WWTR1: variants seen among roughly 807,000 people sequenced by gnomAD.
WWTR1 encodes the protein WW domain containing transcription regulator 1, also known as WW domain-containing transcription regulator protein 1.
In WWTR1, 13 loss-of-function variants were observed where a neutral mutation model predicts 40.1. The ratio of observed to expected loss-of-function variants is 0.32; its 90% CI spans 0.21 to 0.52. The LOEUF (loss-of-function observed/expected upper bound fraction) is 0.52, where lower values mean the gene tolerates loss of function less well. Among genes scored for constraint, WWTR1 ranks in the 20% least tolerant of loss-of-function variants. The pLI, the probability that WWTR1 is intolerant of heterozygous loss-of-function variation, is 0.97. For synonymous variants in WWTR1, 230 were observed against 210.1 expected, an observed-to-expected ratio of 1.09 and a Z score of -0.82; for missense variants, 436 against 523.1, an observed-to-expected ratio of 0.83 and a Z score of 1.63.
In WWTR1 at chr3:149,649,400, C is replaced by T. The variant is rs1216197331; in HGVS notation, c.431+7476G>A. ...ATCGCCCCTTTCACCGTCTAAATCCCGAACAATAACAGGAATGAACTTGCA... is the reference window on the plus strand; with the variant it reads ...ATCGCCCCTTTCACCGTCTAAATCCTGAACAATAACAGGAATGAACTTGCA... On this transcript the variant is annotated intron_variant, in intron 2 of 6. Transcript: ENST00000360632. Among the ~76,000 whole-genome samples the T allele has an allele frequency of 3.3e-5, 5 of 152,184 alleles. No homozygotes were observed. The South Asian group carries it at 6.2e-4, about 19-fold the overall frequency.
chr3:149,637,294 C>T (rs1038880562), intron 2 of WWTR1, among the ~76,000 whole-genome samples: 1 of 151,354 alleles, frequency 6.6e-6, no homozygotes, highest in African/African-American at 2.4e-5. Context: ...GGCATGATCT[C>T]GACTCACTGC....
At chr3:149,645,369 A>G (rs149940093) in intron 2 of WWTR1, among the ~76,000 whole-genome samples, 277 of 152,084 alleles carry the variant, frequency 1.8e-3, no homozygotes, top group African/African-American at 4.3e-3. Context: ...GTGAGCCACC[A>G]CGCCTGGCCC....
chr3:149,625,619 C>T (rs548453190), intron 2 of WWTR1, among the ~76,000 whole-genome samples: 61 of 151,454 alleles, frequency 4.0e-4, no homozygotes, highest in African/African-American at 1.4e-3. Flanking sequence ...GGTGAAACCC[C>T]ATCTCTACTA....
chr3:149,704,532 A>C (rs966007050), upstream of WWTR1, among the ~76,000 whole-genome samples: 3 of 152,236 alleles, frequency 2.0e-5, no homozygotes, highest in Non-Finnish European at 4.4e-5. Context: ...AAAAAGGCTT[A>C]TATAATGAAG....
chr3:149,607,977 AG>A (rs1739562655), intron 2 of WWTR1, among the ~76,000 whole-genome samples: 1 of 152,244 alleles, frequency 6.6e-6, no homozygotes, highest in East Asian at 1.9e-4. Context: ...AAGTTTCGTG[AG>A]GGCAAATAGT....
chr3:149,673,513 G>A (rs1031980223), intron 1 of WWTR1, among the ~76,000 whole-genome samples: 4 of 152,160 alleles, frequency 2.6e-5, no homozygotes, highest in African/African-American at 7.2e-5. Context: ...AATGACACTC[G>A]GAAAGGCATG....
intron 5 of WWTR1, among the ~76,000 whole-genome samples, chr3:149,716,052 G>C (rs944063869): frequency 1.3e-5 from 2 of 152,108 alleles, no homozygotes; most frequent in African/African-American, 4.8e-5. Context: ...TCAGTGAAGA[G>C]AGAATTTACT....
intron 5 of WWTR1, among the ~76,000 whole-genome samples, chr3:149,711,409 T>C (rs766658217): frequency 4.6e-5 from 7 of 152,176 alleles, no homozygotes; most frequent in Admixed American, 1.3e-4. Flanking sequence ...AATTCTACTA[T>C]TATTATTAAC....
At chr3:149,664,905 T>C (rs553906666) in intron 2 of WWTR1, among the ~76,000 whole-genome samples, 1 of 152,062 alleles carries the variant, frequency 6.6e-6, no homozygotes, top group Non-Finnish European at 1.5e-5. Flanking sequence ...CACTATCTTT[T>C]GTCTGATGTT....
At position 149,689,416 on chromosome 3, in the gene WWTR1, A is replaced by C. The variant is rs558223699; in HGVS notation, c.-108+13708T>G. Among the ~76,000 whole-genome samples, 819 of 148,762 alleles carry C rather than the reference A, an allele frequency of 5.5e-3. 10 individuals are homozygous for C. The highest frequency in any genetic ancestry group is 0.019 in the African/African-American group (785 of 40,556). On this transcript the variant is annotated intron_variant, in intron 1 of 7. Transcript: ENST00000465804. Reference sequence around the variant, plus strand: ...AAAAAAAAAAAGCAAAGAAGACAGAAAAAAAAAAAGAATAACCCAAATAAG... The same window carrying C: ...AAAAAAAAAAAGCAAAGAAGACAGACAAAAAAAAAGAATAACCCAAATAAG...
chr3:149,539,195 C>T (rs1251504352), intron 4 of WWTR1, among the ~76,000 whole-genome samples: 1 of 152,082 alleles, frequency 6.6e-6, no homozygotes, highest in Non-Finnish European at 1.5e-5. Flanking sequence ...CCTAGTGGAA[C>T]AACGGCATAG....
chr3:149,565,928 C>CA (rs58536558), intron 3 of WWTR1, among the ~76,000 whole-genome samples: 8,181 of 73,054 alleles, frequency 0.11, 721 homozygotes, highest in East Asian at 0.5. Flanking sequence ...AACTCTGTCT[C>CA]AAAAAAAAAA....
Position 149,680,561 on chromosome 3 carries a change from CA to C in WWTR1, c.-107-10671del, listed in dbSNP as rs1469989532. On this transcript the variant is annotated intron_variant, in intron 1 of 7. Coordinates refer to the WWTR1 transcript ENST00000465804. Reference sequence around the variant, plus strand: ...CCTGTCTCAAAAAAAACCAACCAACCAAACAAACAAACAAACAAAAAAACGT... The same window carrying C: ...CCTGTCTCAAAAAAAACCAACCAACCAACAAACAAACAAACAAAAAAACGT... Among the ~76,000 whole-genome samples the C allele has an allele frequency of 2.2e-5, 3 of 134,320 alleles. No homozygotes were observed. In the East Asian group the frequency reaches 6.6e-4, roughly 30 times the overall value. 88.1% of individuals were successfully genotyped at this position (134,320 alleles called of 152,430 possible).
At chr3:149,600,472 A>G (rs1739193155) in intron 2 of WWTR1, among the ~76,000 whole-genome samples, 1 of 152,172 alleles carries the variant, frequency 6.6e-6, no homozygotes, top group Admixed American at 6.5e-5. Flanking sequence ...CTGTCCCTCC[A>G]AGCACCTCAA....
intron 5 of WWTR1, among the ~76,000 whole-genome samples, chr3:149,713,672 C>A (rs372129687): frequency 6.6e-6 from 1 of 152,234 alleles, no homozygotes; most frequent in Non-Finnish European, 1.5e-5. Context: ...TGAGCCACAG[C>A]GCCCGTCCTA....
intron 5 of WWTR1, among the ~76,000 whole-genome samples, 180 bp from the exon 6 acceptor site, chr3:149,526,305 ATG>A (rs1735305410): frequency 6.6e-6 from 1 of 152,154 alleles, no homozygotes; most frequent in Non-Finnish European, 1.5e-5. Context: ...GAAAATAATC[ATG>A]TGTGGCCATT....
intron 4 of WWTR1, among the ~76,000 whole-genome samples, chr3:149,540,057 C>T (rs115463891): frequency 0.045 from 6,676 of 147,632 alleles, 204 homozygotes; most frequent in Middle Eastern, 0.076. Context: ...CCAACCACTC[C>T]ACCATTCCAT....
intron 2 of WWTR1, among the ~76,000 whole-genome samples, chr3:149,616,882 G>A (rs1403446913): frequency 2.0e-5 from 3 of 152,142 alleles, no homozygotes; most frequent in Non-Finnish European, 2.9e-5. Context: ...CGCAGTCCCA[G>A]CACAAACTAG....
intron 4 of WWTR1, among the ~76,000 whole-genome samples, chr3:149,532,497 A>G (rs10513354): frequency 6.6e-6 from 1 of 152,078 alleles, no homozygotes; most frequent in African/African-American, 2.4e-5. Context: ...TCGAATATAA[A>G]TGGAAAGTAG....
Sources: gnomAD v4.1 joint callset for allele counts (sites outside exome capture counted in the v4.1 genomes callset) on GRCh38, gnomAD v4.1.1 for gene constraint, MANE v1.5 for transcripts, NCBI Gene and HGNC (gene_info 2026-07-23, HGNC 2026-07-21) for gene names.